The following ATP9B variants were observed in gnomAD, a reference collection of about 807,000 sequenced individuals.
ATP9B encodes probable phospholipid-transporting ATPase IIB.
Under a neutral mutation model 146.1 loss-of-function variants are expected in ATP9B, and 110 were observed. The ratio of observed to expected loss-of-function variants is 0.75; its 90% CI spans 0.65 to 0.88. ATP9B has a LOEUF of 0.88. Ranked by LOEUF, ATP9B falls within the 40% of genes least tolerant of loss-of-function variation. The pLI, the probability that ATP9B is intolerant of heterozygous loss-of-function variation, is 0.00. For missense variants in ATP9B, 1,499 were observed against 1,496.4 expected (o/e 1.00, Z -0.03); for synonymous variants, 604 against 569.7 (o/e 1.06, Z -0.86).
chr18:79,376,214 C>CACACACACACACACAAAAA, intron 29 of ATP9B: 8 of 884,974 alleles, frequency 9.0e-6, no homozygotes, highest in Non-Finnish European at 1.1e-5. Flanking sequence ...CACACACACA[C>CACACACACACACACAAAAA]AAAACAAAAC....
chr18:79,184,227 T>C (rs565015402), intron 8 of ATP9B, among the ~76,000 whole-genome samples: 68 of 152,246 alleles, frequency 4.5e-4, no homozygotes, highest in Non-Finnish European at 9.1e-4. Context: ...GCATTTACAC[T>C]ATTATAATTA....
intron 15 of ATP9B, among the ~76,000 whole-genome samples, chr18:79,321,593 G>A (rs990620101): frequency 1.3e-5 from 2 of 152,112 alleles, no homozygotes; most frequent in African/African-American, 4.8e-5. Flanking sequence ...CAACAGGCAA[G>A]TTACATGAGA....
At chr18:79,249,516 CT>C (rs1343988499) in intron 11 of ATP9B, among the ~76,000 whole-genome samples, 2 of 152,090 alleles carry the variant, frequency 1.3e-5, no homozygotes, top group African/African-American at 4.8e-5. Context: ...GTCGTAATTA[CT>C]TCAAGTGATT....
At chr18:79,176,790 A>C (rs1215397352) in intron 7 of ATP9B, 23 bp from the exon 8 acceptor site, 2 of 1,607,284 alleles carry the variant, frequency 1.2e-6, no homozygotes, top group Admixed American at 1.7e-5. Context: ...AAGAGTGGTA[A>C]ATTTTTATTC....
chr18:79,286,345 G>C (rs1421619038), intron 13 of ATP9B, among the ~76,000 whole-genome samples: 3 of 151,920 alleles, frequency 2.0e-5, no homozygotes, highest in African/African-American at 7.3e-5. Flanking sequence ...TCCCTTGTAA[G>C]TTGGATTCCT....
intron 5 of ATP9B, among the ~76,000 whole-genome samples, chr18:79,136,842 C>A (rs931508597): frequency 6.6e-6 from 1 of 152,170 alleles, no homozygotes; most frequent in Non-Finnish European, 1.5e-5. Context: ...AGGAAACTTA[C>A]AACCATGGAG....
chr18:79,103,147 G>A (rs2075400881), intron 2 of ATP9B, among the ~76,000 whole-genome samples: 2 of 152,172 alleles, frequency 1.3e-5, no homozygotes, highest in South Asian at 4.1e-4. Flanking sequence ...GCAGTAGCGA[G>A]AAGGGTCACC....
chr18:79,164,093 T>G (rs967000480), intron 7 of ATP9B, among the ~76,000 whole-genome samples: 1 of 152,080 alleles, frequency 6.6e-6, no homozygotes, highest in Non-Finnish European at 1.5e-5. Flanking sequence ...TAATTTTTTA[T>G]TTTTTAGTTT....
intron 23 of ATP9B, among the ~76,000 whole-genome samples, chr18:79,346,054 C>T (rs557711963): frequency 2.0e-5 from 3 of 150,908 alleles, no homozygotes; most frequent in South Asian, 2.1e-4. Context: ...GGTACACGCT[C>T]GGTCGGCGCA....
intron 11 of ATP9B, among the ~76,000 whole-genome samples, chr18:79,225,540 C>G (rs2095720279): frequency 6.6e-6 from 1 of 152,266 alleles, no homozygotes; most frequent in Non-Finnish European, 1.5e-5. Flanking sequence ...ATGTTTTGGC[C>G]CCGCAGTTGT....
In ATP9B at chr18:79,243,217, T is replaced by C. The variant is rs548759102; in HGVS notation, c.1108-10164T>C. On this transcript the variant is annotated intron_variant, in intron 11 of 29. Coordinates refer to ENST00000426216, the MANE Select transcript of ATP9B (RefSeq NM_198531.5). Reference sequence around the variant, plus strand: ...CAGAAAATGTACAGAACCTAGTGACTTTGTTCACGATGATAGTAATTCTGA... The same window carrying C: ...CAGAAAATGTACAGAACCTAGTGACCTTGTTCACGATGATAGTAATTCTGA... Among the ~76,000 whole-genome samples, 6 of 152,358 alleles carry C rather than the reference T, an allele frequency of 3.9e-5. No individual in the cohort carries two copies. The East Asian group carries it at 7.7e-4, about 20-fold the overall frequency.
chr18:79,337,772 C>T (rs773621679), intron 19 of ATP9B, among the ~76,000 whole-genome samples: 2 of 152,212 alleles, frequency 1.3e-5, no homozygotes, highest in Non-Finnish European at 2.9e-5. Context: ...TGGTTATGCA[C>T]CCCCCACAGG....
rs143156298 is a variant in ATP9B, at chr18:79,310,131, G to A, written c.1773+2897G>A. On this transcript the variant is annotated intron_variant, in intron 15 of 29. Transcript: ENST00000426216. ...AAGAAGGGTGGAGAGGCATGAGAGA[G>A]CCTCTTTCCCTGGTGATAATACATC... Among the ~76,000 whole-genome samples the A allele has an allele frequency of 3.5e-3, 531 of 152,218 alleles. 4 individuals are homozygous for A. Among genetic ancestry groups the A allele is most frequent in the South Asian group, 0.021 (100 of 4,820 alleles).
intron 11 of ATP9B, among the ~76,000 whole-genome samples, chr18:79,243,445 G>T (rs28474069): frequency 0.066 from 10,109 of 152,256 alleles, 414 homozygotes; most frequent in Non-Finnish European, 0.091. Context: ...TTACATAGTG[G>T]TAGGTGCCAG....
intron 26 of ATP9B, among the ~76,000 whole-genome samples, chr18:79,366,763 C>G (rs1209663694): frequency 2.6e-5 from 4 of 152,182 alleles, no homozygotes; most frequent in African/African-American, 4.8e-5. Context: ...CCGTCCCCCA[C>G]CACGCAGAGC....
intron 23 of ATP9B, 75 bp downstream of exon 23, chr18:79,345,914 C>T (rs2147494372): frequency 6.6e-7 from 1 of 1,511,854 alleles, no homozygotes. Context: ...TGCTGGGCCA[C>T]TGTACACTCA....
At chr18:79,292,716 G>C (rs1295912363) in intron 13 of ATP9B, among the ~76,000 whole-genome samples, 1 of 151,560 alleles carries the variant, frequency 6.6e-6, no homozygotes, top group African/African-American at 2.4e-5. Context: ...GCTGCAGAGT[G>C]GGGGGTGGGT....
intron 4 of ATP9B, among the ~76,000 whole-genome samples, chr18:79,124,062 G>A (rs1364891950): frequency 3.9e-5 from 6 of 152,302 alleles, no homozygotes; most frequent in Admixed American, 3.3e-4. Flanking sequence ...TTGCTGGCAG[G>A]AATGTAAAGT....
In ATP9B at chr18:79,253,640, G is replaced by C. The variant is rs1599310523; in HGVS notation, c.1268+99G>C. The C allele has an allele frequency of 6.2e-6, 8 of 1,294,294 alleles. 1 individual carries two copies. In the East Asian group the frequency reaches 2.0e-4, roughly 32 times the overall value. 80.2% of individuals were successfully genotyped at this position (1,294,294 alleles called of 1,614,324 possible). On this transcript the variant is annotated intron_variant, in intron 12 of 29. Coordinates refer to ENST00000426216, the MANE Select transcript of ATP9B (RefSeq NM_198531.5). ...GTATGAAAGAAATTACCCAAACAAA[G>C]CTAGAGAAGTAGGAGCCAGAAGTTC...
Sources: allele counts gnomAD v4.1 joint callset (sites outside exome capture counted in the v4.1 genomes callset), GRCh38; gene constraint gnomAD v4.1.1; transcripts MANE v1.5; gene names NCBI Gene and HGNC (gene_info 2026-07-23, HGNC 2026-07-21).